CRADD: variants seen among roughly 807,000 people sequenced by gnomAD.
CRADD encodes death domain-containing protein CRADD.
CRADD carries 9 observed loss-of-function variants against 15.5 expected under a neutral mutation model. The observed-to-expected ratio is 0.58, with a 90% CI of 0.35 to 1.01. CRADD has a LOEUF of 1.01. Ranked by LOEUF, CRADD falls within the 50% of genes least tolerant of loss-of-function variation. CRADD has a pLI of 0.02. For missense variants in CRADD, 227 were observed against 250.3 expected (o/e 0.91, Z 0.63); for synonymous variants, 118 against 107.6 (o/e 1.10, Z -0.60).
At chr12:93,886,312 C>G (rs1011617164) in intron 2 of CRADD, among the ~76,000 whole-genome samples, 9 of 151,910 alleles carry the variant, frequency 5.9e-5, no homozygotes, top group African/African-American at 2.2e-4. Context: ...AGGTGCATGC[C>G]ACAAAACCTG....
At chr12:93,819,195 A>G (rs1473077877) in intron 2 of CRADD, among the ~76,000 whole-genome samples, 3 of 152,232 alleles carry the variant, frequency 2.0e-5, no homozygotes, top group Non-Finnish European at 2.9e-5. Context: ...AGCTTTATAA[A>G]GGATTCAGAA....
chr12:93,859,267 T>C (rs1958300180), intron 2 of CRADD: 2 of 452,070 alleles, frequency 4.4e-6, no homozygotes, highest in Non-Finnish European at 8.9e-6. Flanking sequence ...TAAAAAGCTA[T>C]AATCAAATAC....
In CRADD at chr12:93,702,799, G is replaced by T. The variant is rs532220901; in HGVS notation, c.298+23727G>T. Among the ~76,000 whole-genome samples, 41 of 152,090 alleles carry T rather than the reference G, an allele frequency of 2.7e-4. No individual in the cohort carries two copies. The South Asian group carries it at 8.1e-3, about 30-fold the overall frequency. On this transcript the variant is annotated intron_variant, in intron 2 of 2. Coordinates refer to ENST00000332896, the MANE Select transcript of CRADD (RefSeq NM_003805.5). ...TTTCAGGCAAGTGCACCATACAGGTGCTCTGGTGGTCCCGTAACTGAGGAT... is the reference window on the plus strand; with the variant it reads ...TTTCAGGCAAGTGCACCATACAGGTTCTCTGGTGGTCCCGTAACTGAGGAT...
chr12:93,876,333 C>G (rs1013781006), intron 2 of CRADD, among the ~76,000 whole-genome samples: 1 of 152,058 alleles, frequency 6.6e-6, no homozygotes, highest in Admixed American at 6.6e-5. Context: ...GTTCTATAAC[C>G]TTCTTGTACT....
At chr12:93,881,161 G>A (rs998220169) in intron 2 of CRADD, among the ~76,000 whole-genome samples, 5 of 152,228 alleles carry the variant, frequency 3.3e-5, no homozygotes, top group African/African-American at 1.2e-4. Context: ...ACATCTATGT[G>A]ACAAAGTCAA....
At chr12:93,894,264 G>A (rs1958597064) in exon 3 of CRADD, 1 of 549,628 alleles carries the variant, frequency 1.8e-6, no homozygotes, top group Non-Finnish European at 3.3e-6. Context: ...CTGTGTATGT[G>A]TGTGGGTGGG....
At chr12:93,788,556 T>C (rs147384898) in intron 2 of CRADD, among the ~76,000 whole-genome samples, 2 of 152,310 alleles carry the variant, frequency 1.3e-5, no homozygotes, top group Non-Finnish European at 2.9e-5. Context: ...ATGTTCTTGA[T>C]TTTTTAAAAT....
chr12:93,870,110 G>T (rs1027196972), intron 2 of CRADD, among the ~76,000 whole-genome samples: 1 of 152,112 alleles, frequency 6.6e-6, no homozygotes, highest in Non-Finnish European at 1.5e-5. Context: ...CAGAAATAAG[G>T]AATGATTTAG....
chr12:93,775,262 G>A (rs1362310238), intron 2 of CRADD, among the ~76,000 whole-genome samples: 2 of 152,168 alleles, frequency 1.3e-5, no homozygotes, highest in African/African-American at 2.4e-5. Context: ...TAGATCCAAT[G>A]TGCCCAGCAA....
intron 2 of CRADD, among the ~76,000 whole-genome samples, chr12:93,710,359 T>C (rs1956040859): frequency 6.6e-6 from 1 of 150,688 alleles, no homozygotes. Flanking sequence ...TTTTTTTTTT[T>C]TTTTGAGACG....
chr12:93,752,634 A>G (rs1053775394), intron 2 of CRADD, among the ~76,000 whole-genome samples: 11 of 152,218 alleles, frequency 7.2e-5, no homozygotes, highest in African/African-American at 2.7e-4. Flanking sequence ...TGGATAATGT[A>G]TTAGTCCATT....
chr12:93,864,003 A>G (rs1315320329), intron 2 of CRADD, among the ~76,000 whole-genome samples: 2 of 152,194 alleles, frequency 1.3e-5, no homozygotes, highest in African/African-American at 4.8e-5. Context: ...TTAATGATAC[A>G]CACATGAAGT....
chr12:93,738,177 A>G lies in CRADD; in HGVS notation c.298+59105A>G, dbSNP rs1956609945. The G allele has an allele frequency of 6.6e-6, 4 of 607,038 alleles. No individual in the cohort carries two copies. The South Asian group carries it at 7.9e-5, about 12-fold the overall frequency. 37.6% of individuals were successfully genotyped at this position (607,038 alleles called of 1,614,324 possible). On this transcript the variant is annotated intron_variant, in intron 2 of 2. Transcript: ENST00000332896. ...CTGTTTTGTCAGTTGGAACAAAACA[A>G]CAGCGCTGCTCATTTTTTGCAGGGT...
At position 93,770,493 on chromosome 12, in the gene CRADD, A is replaced by AG. The variant is rs536375771; in HGVS notation, c.299-79474dup. On this transcript the variant is annotated intron_variant, in intron 2 of 2. Transcript: ENST00000332896. ...TAATTTTTGTGTATGTTGAAAAGTTAGGGTTAAGTTTCATTTTATGCTACA... is the reference window on the plus strand; with the variant it reads ...TAATTTTTGTGTATGTTGAAAAGTTAGGGGTTAAGTTTCATTTTATGCTACA... Among the ~76,000 whole-genome samples, 6 of 152,328 alleles carry AG rather than the reference A, an allele frequency of 3.9e-5. No homozygotes were observed. The South Asian group carries it at 8.3e-4, about 21-fold the overall frequency.
In CRADD at chr12:93,707,005, C is replaced by T. The variant is rs959115928; in HGVS notation, c.298+27933C>T. Among the ~76,000 whole-genome samples, 12 of 152,148 alleles carry T rather than the reference C, an allele frequency of 7.9e-5. No homozygotes were observed. In the East Asian group the frequency reaches 2.3e-3, roughly 29 times the overall value. ...ATCCAAATGGATGCCGTGGCTTTTA[C>T]TTTGGTTACATTTCAAATGACTTTA... On this transcript the variant is annotated intron_variant, in intron 2 of 2. Coordinates refer to ENST00000332896, the MANE Select transcript of CRADD (RefSeq NM_003805.5).
intron 2 of CRADD, among the ~76,000 whole-genome samples, chr12:93,865,202 A>G (rs774803227): frequency 2.6e-5 from 4 of 152,070 alleles, no homozygotes; most frequent in Admixed American, 6.5e-5. Context: ...TTCATAACAG[A>G]TAGCCTAGGG....
intron 2 of CRADD, chr12:93,735,722 GA>G (rs1307138952): frequency 6.6e-6 from 1 of 152,116 alleles, no homozygotes; most frequent in Non-Finnish European, 1.5e-5. Context: ...GTGACAAAGT[GA>G]GACCCCATCT....
intron 2 of CRADD, among the ~76,000 whole-genome samples, chr12:93,764,207 A>G (rs1303031792): frequency 6.8e-6 from 1 of 146,266 alleles, no homozygotes; most frequent in Non-Finnish European, 1.5e-5. Flanking sequence ...TTGCTTAAGA[A>G]CGATCACTCT....
chr12:93,719,156 A>G (rs569869551), intron 2 of CRADD, among the ~76,000 whole-genome samples: 1 of 152,280 alleles, frequency 6.6e-6, no homozygotes, highest in East Asian at 1.9e-4. Context: ...TAGTTTGATG[A>G]AAGTTTTTAT....
Sources: gnomAD v4.1 joint callset for allele counts (sites outside exome capture counted in the v4.1 genomes callset) on GRCh38, gnomAD v4.1.1 for gene constraint, MANE v1.5 for transcripts, NCBI Gene and HGNC (gene_info 2026-07-23, HGNC 2026-07-21) for gene names.